SCN10A: variants seen among roughly 807,000 people sequenced by gnomAD.
SCN10A encodes the protein sodium voltage-gated channel alpha subunit 10.
A neutral mutation model predicts 170.7 loss-of-function variants in SCN10A; 162 were observed. The ratio of observed to expected loss-of-function variants is 0.95; its 90% CI spans 0.84 to 1.08. The LOEUF (loss-of-function observed/expected upper bound fraction) is 1.08. SCN10A is among the 50% of genes least tolerant of loss of function. The pLI is 0.00. For missense variants in SCN10A, 2,527 were observed against 2,436.9 expected, an observed-to-expected ratio of 1.04 and a Z score of -0.78; for synonymous variants, 985 against 904.6, an observed-to-expected ratio of 1.09 and a Z score of -1.59.
intron 4 of SCN10A, among the ~76,000 whole-genome samples, chr3:38,786,421 T>C (rs934395481): frequency 6.6e-6 from 1 of 151,074 alleles, no homozygotes; most frequent in African/African-American, 2.4e-5. Context: ...AGGTGGGAGA[T>C]GAACAATGAG....
chr3:38,750,236 G>A (rs2063734056), intron 12 of SCN10A, 52 bp from the exon 13 acceptor site: 1 of 1,038,998 alleles, frequency 9.6e-7, no homozygotes, highest in African/African-American at 1.6e-5. Context: ...ACATCTTCAT[G>A]GCAAAGTTGG....
At chr3:38,808,673 C>A (rs1346033664) in intron 1 of SCN10A, among the ~76,000 whole-genome samples, 3 of 152,192 alleles carry the variant, frequency 2.0e-5, no homozygotes, top group Non-Finnish European at 2.9e-5. Context: ...TTTCTGCTGT[C>A]AGTGTGCCTA....
intron 15 of SCN10A, among the ~76,000 whole-genome samples, chr3:38,736,361 C>CTGTGTGTGTG (rs68001863): frequency 0.018 from 2,534 of 139,416 alleles, 40 homozygotes; most frequent in Middle Eastern, 0.023. Context: ...TAGGGAAACT[C>CTGTGTGTGTG]TGTGTGTGTG....
At chr3:38,795,029 A>AT (rs1304182945) in intron 1 of SCN10A, among the ~76,000 whole-genome samples, 5 of 151,710 alleles carry the variant, frequency 3.3e-5, no homozygotes, top group Admixed American at 3.3e-4. Flanking sequence ...TATCTACCTC[A>AT]TTTTTTTCTC....
intron 13 of SCN10A, among the ~76,000 whole-genome samples, chr3:38,744,743 A>G (rs1156290550): frequency 6.6e-6 from 1 of 152,172 alleles, no homozygotes; most frequent in African/African-American, 2.4e-5. Flanking sequence ...GTCTCTGATT[A>G]TTTATATCAA....
intron 16 of SCN10A, among the ~76,000 whole-genome samples, chr3:38,728,094 A>T (rs571087292): frequency 5.3e-5 from 8 of 152,320 alleles, no homozygotes; most frequent in African/African-American, 1.7e-4. Flanking sequence ...TTGGGGAAGG[A>T]CATTTTTCCT....
At chr3:38,719,163 A>G (rs1295141144) in intron 20 of SCN10A, among the ~76,000 whole-genome samples, 1 of 152,240 alleles carries the variant, frequency 6.6e-6, no homozygotes, top group African/African-American at 2.4e-5. Flanking sequence ...GTTTAAAAAT[A>G]AAAGCATCAA....
chr3:38,746,067 A>ATG (rs1424418225), intron 13 of SCN10A, among the ~76,000 whole-genome samples: 1 of 70,982 alleles, frequency 1.4e-5, no homozygotes, highest in Non-Finnish European at 2.7e-5. Flanking sequence ...GTATGTGTAT[A>ATG]TATATATATA....
intron 4 of SCN10A, among the ~76,000 whole-genome samples, chr3:38,784,847 C>A (rs1254764306): frequency 6.6e-6 from 1 of 152,004 alleles, no homozygotes; most frequent in African/African-American, 2.4e-5. Context: ...AACAGACAAA[C>A]CGAGAGCCAA....
intron 13 of SCN10A, among the ~76,000 whole-genome samples, chr3:38,744,419 A>G (rs978063347): frequency 2.6e-5 from 4 of 151,842 alleles, no homozygotes; most frequent in African/African-American, 4.8e-5. Flanking sequence ...AAAAATGTGT[A>G]TGTAGTCAAG....
intron 21 of SCN10A, among the ~76,000 whole-genome samples, chr3:38,715,421 A>G (rs774216408): frequency 3.3e-5 from 5 of 152,076 alleles, no homozygotes; most frequent in Admixed American, 6.5e-5. Flanking sequence ...CTTACTCCCA[A>G]ACATCACTGG....
chr3:38,792,317 C>T, intron 2 of SCN10A, 149 bp from the exon 3 acceptor site: 1 of 924,152 alleles, frequency 1.1e-6, no homozygotes, highest in East Asian at 2.5e-5. Flanking sequence ...AATGCAGGTA[C>T]AGAGAGGCAG....
At chr3:38,703,702 T>G (rs1030535925) in intron 26 of SCN10A, among the ~76,000 whole-genome samples, 1 of 152,242 alleles carries the variant, frequency 6.6e-6, no homozygotes, top group African/African-American at 2.4e-5. Flanking sequence ...TACCCAACTT[T>G]TAGACATCAG....
intron 13 of SCN10A, among the ~76,000 whole-genome samples, chr3:38,744,798 T>C (rs1398098663): frequency 2.6e-5 from 4 of 152,240 alleles, no homozygotes; most frequent in Non-Finnish European, 4.4e-5. Flanking sequence ...ATTTGAAATG[T>C]CATTTTTGTC....
chr3:38,742,595 C>A lies in SCN10A; in HGVS notation c.1868-66G>T, dbSNP rs1210929312. 13 of 1,207,108 alleles carry A rather than the reference C, an allele frequency of 1.1e-5. No homozygotes were observed. In the African/African-American group the frequency reaches 1.6e-4, roughly 15 times the overall value. The allele number at this position is 1,207,108 out of a possible 1,614,324, so 74.8% of individuals were successfully genotyped here. ...TCACCTTGGACCCCAATTCTGCGGTCATCCTCTAGACCTTGTTGTTAATAA... is the reference window on the plus strand; with the variant it reads ...TCACCTTGGACCCCAATTCTGCGGTAATCCTCTAGACCTTGTTGTTAATAA... On this transcript the variant is annotated intron_variant, in intron 13 of 27. Transcript: ENST00000449082.
intron 12 of SCN10A, among the ~76,000 whole-genome samples, 199 bp downstream of exon 12, chr3:38,752,020 C>T (rs2063752188): frequency 6.6e-6 from 1 of 152,110 alleles, no homozygotes; most frequent in African/African-American, 2.4e-5. Flanking sequence ...AACCAGGAAA[C>T]CTGTTTGACC....
In SCN10A at chr3:38,760,740, G is replaced by T; in HGVS notation, c.891C>A (p.Ile297=). ...TNYSSHRKPD[I]YINKRGTSDP... ...CAGAAGTGCCTCGCTTATTTATGTA[G>T]ATATCTGCTGAAGAAAGGAAGAAAA... is the stretch of plus-strand genomic sequence containing the variant. Residue 297 remains isoleucine (I), a synonymous_variant, in exon 8 of 28, where the codon ATC becomes ATA. Coordinates refer to ENST00000449082, the MANE Select transcript of SCN10A (RefSeq NM_006514.4). 1 of 1,613,446 alleles carries T rather than the reference G, an allele frequency of 6.2e-7. No homozygotes were observed. The highest frequency in any genetic ancestry group is 8.5e-7 in the Non-Finnish European group (1 of 1,179,402).
intron 18 of SCN10A, among the ~76,000 whole-genome samples, chr3:38,724,238 C>A (rs1446257113): frequency 6.6e-6 from 1 of 152,176 alleles, no homozygotes; most frequent in Non-Finnish European, 1.5e-5. Context: ...GTCAGCCTTG[C>A]CTAGGGCACA....
At chr3:38,777,640 A>AATT (rs1381245862) in intron 4 of SCN10A, among the ~76,000 whole-genome samples, 1 of 152,062 alleles carries the variant, frequency 6.6e-6, no homozygotes, top group Admixed American at 6.6e-5. Flanking sequence ...GAACCAAAAT[A>AATT]ATTTTCAAGA....
Sources: allele counts gnomAD v4.1 joint callset (sites outside exome capture counted in the v4.1 genomes callset), GRCh38; gene constraint gnomAD v4.1.1; transcripts MANE v1.5; gene names NCBI Gene and HGNC (gene_info 2026-07-23, HGNC 2026-07-21).